The following SLC35F4 variants were observed in gnomAD, a reference collection of about 807,000 sequenced individuals.
The protein encoded by SLC35F4 is chromosome 14 open reading frame 36.
In SLC35F4, 24 loss-of-function variants were observed where a neutral mutation model predicts 44.2. That is an observed-to-expected ratio of 0.54 (90% CI 0.39 to 0.76). SLC35F4 has a LOEUF of 0.76. SLC35F4 is among the 30% of genes least tolerant of loss of function. The probability of loss-of-function intolerance (pLI) is 0.00; values close to 1 mark genes in which losing one functional copy is unlikely to be tolerated. For missense variants in SLC35F4, 562 were observed against 586.1 expected (o/e 0.96, Z 0.42); for synonymous variants, 238 against 223.6 (o/e 1.06, Z -0.57).
In SLC35F4 at chr14:57,746,626, A is replaced by T. The variant is rs560112260; in HGVS notation, c.103+119097T>A. 5.7e-3 allele frequency among the ~76,000 whole-genome samples: 685 copies of T among 119,286 alleles called. 8 individuals carry two copies. The highest frequency in any genetic ancestry group is 6.3e-3 in the Non-Finnish European group (305 of 48,714). 78.3% of individuals were successfully genotyped at this position (119,286 alleles called of 152,430 possible). ...TGTTTTTTCTTGTCATATCTTTGTT[A>T]AAAAAAGTTTTTAAAAATAAAAAAG... On this transcript the variant is annotated intron_variant, in intron 1 of 7. Transcript: ENST00000556826.
chr14:57,573,427 A>G (rs952056302), intron 4 of SLC35F4, among the ~76,000 whole-genome samples: 1 of 152,180 alleles, frequency 6.6e-6, no homozygotes, highest in African/African-American at 2.4e-5. Context: ...TGCTGAGTGA[A>G]TATCATATTC....
chr14:57,692,099 C>T (rs777691917), intron 1 of SLC35F4, among the ~76,000 whole-genome samples: 2 of 152,162 alleles, frequency 1.3e-5, no homozygotes, highest in Non-Finnish European at 2.9e-5. Flanking sequence ...ACATGTTGTT[C>T]ACTTCCATAT....
intron 1 of SLC35F4, among the ~76,000 whole-genome samples, chr14:57,968,974 C>A (rs1458753127): frequency 6.6e-6 from 1 of 151,984 alleles, no homozygotes; most frequent in Non-Finnish European, 1.5e-5. Context: ...TCTAACAAAG[C>A]GTATATTAGG....
rs546964344 is a variant in SLC35F4, at chr14:57,951,388, GT to G, written n.282+30524del. The stretch of plus-strand genomic sequence containing the variant: ...TTGGGCAGACACCGAGCTAGCTGGA[GT>G]TTTTTTTCATACCCCAGTGGTGCCT... On this transcript the variant is annotated intron_variant and non_coding_transcript_variant, in intron 1 of 1. Transcript: ENST00000556568. 2.3e-3 allele frequency among the ~76,000 whole-genome samples: 356 copies of G among 152,146 alleles called. 1 individual carries two copies. The highest frequency in any genetic ancestry group is 7.9e-3 in the African/African-American group (327 of 41,498).
Position 57,854,922 on chromosome 14 carries a change from T to A in SLC35F4, c.103+10801A>T, listed in dbSNP as rs1356427327. Among the ~76,000 whole-genome samples, 4 of 152,340 alleles carry A rather than the reference T, an allele frequency of 2.6e-5. No homozygotes were observed. The East Asian group carries it at 5.8e-4, about 22-fold the overall frequency. On this transcript the variant is annotated intron_variant, in intron 1 of 7. Transcript: ENST00000556826. ...ATTGTGAACTTGGACAATTTATACT[T>A]GTGTTTAAATTGCTGTAGCATAATT...
At chr14:57,776,785 T>C (rs974540404) in intron 1 of SLC35F4, among the ~76,000 whole-genome samples, 4 of 149,342 alleles carry the variant, frequency 2.7e-5, no homozygotes, top group African/African-American at 9.9e-5. Context: ...CAGAAGAGAG[T>C]GAGGGCCTAT....
intron 2 of SLC35F4, among the ~76,000 whole-genome samples, chr14:57,592,403 C>T (rs1167390344): frequency 6.6e-6 from 1 of 152,150 alleles, no homozygotes; most frequent in Non-Finnish European, 1.5e-5. Context: ...CTTTGGTGCA[C>T]TGGAATATCC....
At chr14:57,775,355 C>T (rs908296374) in intron 1 of SLC35F4, among the ~76,000 whole-genome samples, 11 of 152,248 alleles carry the variant, frequency 7.2e-5, no homozygotes, top group Admixed American at 2.6e-4. Flanking sequence ...AATCCTACTG[C>T]TACTGCCCTA....
In SLC35F4 at chr14:57,721,562, T is replaced by C. The variant is rs150660046; in HGVS notation, c.104-127438A>G. On this transcript the variant is annotated intron_variant, in intron 1 of 7. Coordinates refer to ENST00000556826, the MANE Select transcript of SLC35F4 (RefSeq NM_001306087.2). ...AAATTGTGGAAAAACACACACAAGC[T>C]CTTATCATGTGAGTGGCAAACCTGC... is the stretch of plus-strand genomic sequence containing the variant. 5.6e-3 allele frequency among the ~76,000 whole-genome samples: 853 copies of C among 152,266 alleles called. 1 individual carries two copies. Among genetic ancestry groups the C allele is most frequent in the Non-Finnish European group, 9.4e-3 (637 of 68,022 alleles).
chr14:57,906,287 G>A (rs1301402055), intron 1 of SLC35F4, among the ~76,000 whole-genome samples: 1 of 152,194 alleles, frequency 6.6e-6, no homozygotes, highest in Admixed American at 6.5e-5. Flanking sequence ...TTCTGAGACT[G>A]TGCAGCCACA....
intron 6 of SLC35F4, among the ~76,000 whole-genome samples, chr14:57,567,737 A>T (rs2139673278): frequency 6.6e-6 from 1 of 152,196 alleles, no homozygotes; most frequent in East Asian, 1.9e-4. Flanking sequence ...CCAATCAGGA[A>T]TTTATTAAAT....
chr14:57,930,834 C>T (rs1370406252), intron 1 of SLC35F4, among the ~76,000 whole-genome samples: 1 of 152,070 alleles, frequency 6.6e-6, no homozygotes, highest in Non-Finnish European at 1.5e-5. Flanking sequence ...AAAAGGCAAC[C>T]ACCTAATCGT....
At chr14:57,646,906 T>C (rs1198178784) in intron 1 of SLC35F4, among the ~76,000 whole-genome samples, 14 of 152,232 alleles carry the variant, frequency 9.2e-5, no homozygotes, top group Admixed American at 9.2e-4. Flanking sequence ...GAGCAGGTTG[T>C]TCAGTTTCCA....
intron 1 of SLC35F4, among the ~76,000 whole-genome samples, chr14:57,655,184 C>T (rs2073923872): frequency 6.6e-6 from 1 of 152,066 alleles, no homozygotes; most frequent in East Asian, 1.9e-4. Flanking sequence ...TCTTTTCACC[C>T]TACTCAGTCC....
intron 1 of SLC35F4, among the ~76,000 whole-genome samples, chr14:57,670,454 C>T (rs1287319051): frequency 2.0e-5 from 3 of 151,912 alleles, no homozygotes; most frequent in Non-Finnish European, 4.4e-5. Context: ...TTCCTGCTTT[C>T]TCTTGTGGGC....
At chr14:57,944,732 A>AAAG (rs1889986228) in intron 1 of SLC35F4, among the ~76,000 whole-genome samples, 2 of 140,354 alleles carry the variant, frequency 1.4e-5, no homozygotes, top group Non-Finnish European at 3.2e-5. Context: ...AGAAAGAAAG[A>AAAG]AAGAAAGAAA....
chr14:57,805,791 AC>A (rs1324464257), intron 1 of SLC35F4, among the ~76,000 whole-genome samples: 1 of 152,162 alleles, frequency 6.6e-6, no homozygotes, highest in Non-Finnish European at 1.5e-5. Flanking sequence ...GTTGAAGAAA[AC>A]AAAAGTTTGT....
chr14:57,640,127 G>A (rs890772144), intron 1 of SLC35F4, among the ~76,000 whole-genome samples: 2 of 151,916 alleles, frequency 1.3e-5, no homozygotes, highest in African/African-American at 4.8e-5. Context: ...GGAAGAGAGG[G>A]TTAAAGTTTC....
intron 1 of SLC35F4, among the ~76,000 whole-genome samples, chr14:57,627,446 C>T (rs1229027973): frequency 1.3e-5 from 2 of 152,010 alleles, no homozygotes; most frequent in Admixed American, 6.6e-5. Flanking sequence ...TGGACCAGGG[C>T]TAAACAAAAC....
Sources: gnomAD v4.1 joint callset for allele counts (sites outside exome capture counted in the v4.1 genomes callset) on GRCh38, gnomAD v4.1.1 for gene constraint, MANE v1.5 for transcripts, NCBI Gene and HGNC (gene_info 2026-07-23, HGNC 2026-07-21) for gene names.